The following IPCEF1 variants were observed in gnomAD, a reference collection of about 807,000 sequenced individuals.
The protein encoded by IPCEF1 is interaction protein for cytohesin exchange factors 1.
IPCEF1 carries 31 observed loss-of-function variants against 50.9 expected under a neutral mutation model. That is an observed-to-expected ratio of 0.61 (90% CI 0.46 to 0.82). IPCEF1 has a LOEUF of 0.82. Among genes scored for constraint, IPCEF1 ranks in the 40% least tolerant of loss-of-function variants. The probability of loss-of-function intolerance (pLI) is 0.00; values close to 1 mark genes in which losing one functional copy is unlikely to be tolerated. For missense variants in IPCEF1, 458 were observed against 514.0 expected (o/e 0.89, Z 1.05); for synonymous variants, 181 against 192.0 (o/e 0.94, Z 0.47).
intron 1 of IPCEF1, among the ~76,000 whole-genome samples, chr6:154,314,503 C>T (rs922608914): frequency 6.6e-6 from 1 of 152,156 alleles, no homozygotes; most frequent in Non-Finnish European, 1.5e-5. Context: ...ACCTAGGAAA[C>T]TTTTGTTTTC....
At chr6:154,272,364 G>C (rs1013005273) in intron 2 of IPCEF1, among the ~76,000 whole-genome samples, 1 of 152,176 alleles carries the variant, frequency 6.6e-6, no homozygotes, top group Non-Finnish European at 1.5e-5. Flanking sequence ...CACACTTCAA[G>C]GTTGGTTAAA....
At chr6:154,217,492 A>G (rs1017958224) in intron 7 of IPCEF1, 12 of 152,172 alleles carry the variant, frequency 7.9e-5, no homozygotes, top group African/African-American at 1.7e-4. Context: ...TGGCACGAGC[A>G]TCGATTCAGC....
chr6:154,166,436 C>A (rs142321075), intron 11 of IPCEF1, among the ~76,000 whole-genome samples: 1 of 152,220 alleles, frequency 6.6e-6, no homozygotes, highest in African/African-American at 2.4e-5. Flanking sequence ...CTTCTCCCAA[C>A]GTGGAACTAC....
chr6:154,181,326 G>T (rs546516805), intron 10 of IPCEF1, among the ~76,000 whole-genome samples: 2 of 152,238 alleles, frequency 1.3e-5, no homozygotes, highest in Non-Finnish European at 2.9e-5. Flanking sequence ...TTTACTATGT[G>T]ACATGCACTG....
intron 7 of IPCEF1, among the ~76,000 whole-genome samples, chr6:154,220,545 TG>T (rs1458545777): frequency 6.6e-6 from 1 of 152,154 alleles, no homozygotes; most frequent in South Asian, 2.1e-4. Flanking sequence ...GGGAGGCTGA[TG>T]CAGGAGAATC....
At chr6:154,202,250 A>T (rs1038527730) in intron 9 of IPCEF1, among the ~76,000 whole-genome samples, 2 of 152,036 alleles carry the variant, frequency 1.3e-5, no homozygotes, top group Non-Finnish European at 2.9e-5. Context: ...GCACGTACAT[A>T]AAAAAAATCC....
rs116655585 is a variant in IPCEF1, at chr6:154,327,547, A to C, written c.-62+29125T>G. Among the ~76,000 whole-genome samples the C allele has an allele frequency of 1.2e-3, 180 of 152,354 alleles. 1 individual carries two copies. Among genetic ancestry groups the C allele is most frequent in the African/African-American group, 4.2e-3 (176 of 41,592 alleles). ...CCATCTCACGCCAGTCAGAATGGCC[A>C]TTAATAAAAAGGCAAAAAAACAACA... On this transcript the variant is annotated intron_variant, in intron 1 of 11. Transcript: ENST00000367220.
chr6:154,235,073 A>G (rs1198540446), intron 5 of IPCEF1, among the ~76,000 whole-genome samples: 1 of 152,262 alleles, frequency 6.6e-6, no homozygotes, highest in Non-Finnish European at 1.5e-5. Flanking sequence ...TAAATGAATC[A>G]GAAGAAATTT....
intron 1 of IPCEF1, among the ~76,000 whole-genome samples, chr6:154,318,712 CAAAAAAAAA>C (rs57436031): frequency 4.0e-5 from 4 of 98,834 alleles, no homozygotes; most frequent in Non-Finnish European, 8.2e-5. Flanking sequence ...GACCCTGTCT[CAAAAAAAAA>C]AAAAAAAAAA....
Position 154,168,055 on chromosome 6 carries a change from T to C in IPCEF1, c.969A>G (p.Gln323=), listed in dbSNP as rs1799574094. 2 of 1,608,980 alleles carry C rather than the reference T, an allele frequency of 1.2e-6. No individual in the cohort carries two copies. Among genetic ancestry groups the C allele is most frequent in the African/African-American group, 1.3e-5 (1 of 74,844 alleles). The change falls in exon 11 of 12, where the codon CAA becomes CAG. Residue 323 remains glutamine, a synonymous_variant. Coordinates refer to ENST00000367220, the MANE Select transcript of IPCEF1 (RefSeq NM_001130700.2). The surrounding 1 kb of genome is among the most constrained non-coding windows in gnomAD (Gnocchi z 4.1). ...GGTCCCCAAGAGGAGATAGACTAGC[T>C]TGCTCTAATGATTTGTACAGCTTCT... ...EMEKLYKSLE[Q]ASLSPLGDRR...
intron 10 of IPCEF1, among the ~76,000 whole-genome samples, chr6:154,180,731 C>T (rs567423389): frequency 3.9e-5 from 6 of 152,228 alleles, no homozygotes; most frequent in Non-Finnish European, 5.9e-5. Context: ...TTATTTTCTA[C>T]TTAGAACCTA....
intron 1 of IPCEF1, among the ~76,000 whole-genome samples, chr6:154,329,635 A>G (rs545180973): frequency 0.022 from 3,093 of 143,442 alleles, 58 homozygotes; most frequent in Non-Finnish European, 0.034. Context: ...GAGAAAGAAA[A>G]AGAAAGAAAG....
At chr6:154,254,149 A>T (rs1028183501) in intron 3 of IPCEF1, among the ~76,000 whole-genome samples, 16 of 152,202 alleles carry the variant, frequency 1.1e-4, no homozygotes, top group African/African-American at 3.9e-4. Flanking sequence ...TGTTCAGAAC[A>T]TATGATCTTT....
At chr6:154,297,452 A>G (rs1782693265) in intron 1 of IPCEF1, among the ~76,000 whole-genome samples, 1 of 152,178 alleles carries the variant, frequency 6.6e-6, no homozygotes, top group Non-Finnish European at 1.5e-5. Context: ...AGGTCTGGCA[A>G]TGCTATTGGG....
intron 8 of IPCEF1, 64 bp downstream of exon 8, chr6:154,214,154 T>C: frequency 1.9e-6 from 2 of 1,044,734 alleles, no homozygotes; most frequent in Non-Finnish European, 3.0e-6. Flanking sequence ...CATTGTTTTT[T>C]CACCCTGTTT....
At chr6:154,284,012 A>C (rs1467538284) in intron 2 of IPCEF1, among the ~76,000 whole-genome samples, 3 of 152,238 alleles carry the variant, frequency 2.0e-5, no homozygotes, top group Non-Finnish European at 4.4e-5. Flanking sequence ...TATAATTAAA[A>C]AAAGATGTAC....
intron 2 of IPCEF1, among the ~76,000 whole-genome samples, chr6:154,286,432 T>C (rs1014326000): frequency 6.6e-6 from 1 of 152,242 alleles, no homozygotes; most frequent in Non-Finnish European, 1.5e-5. Context: ...CCTTTAGTAT[T>C]GCTTAATGAC....
chr6:154,273,719 TCTTTC>T (rs1360124342), intron 2 of IPCEF1, among the ~76,000 whole-genome samples: 7 of 99,482 alleles, frequency 7.0e-5, no homozygotes, highest in African/African-American at 2.4e-4. Context: ...TTTCTTTCTT[TCTTTC>T]TTTTTTTTTT....
intron 2 of IPCEF1, among the ~76,000 whole-genome samples, chr6:154,289,472 C>CATAA (rs554640830): frequency 5.3e-5 from 8 of 151,180 alleles, no homozygotes; most frequent in African/African-American, 9.7e-5. Context: ...AAAATCAACC[C>CATAA]ATAAATAAAT....
Sources: gnomAD v4.1 joint callset for allele counts (sites outside exome capture counted in the v4.1 genomes callset) on GRCh38, gnomAD v4.1.1 for gene constraint, Gnocchi (gnomAD v3.1) non-coding constraint, MANE v1.5 for transcripts, NCBI Gene and HGNC (gene_info 2026-07-23, HGNC 2026-07-21) for gene names.